The following ADGRV1 variants were observed in gnomAD, a reference collection of about 807,000 sequenced individuals.
ADGRV1 encodes G-protein coupled receptor 98.
In ADGRV1, 359 loss-of-function variants were observed where a neutral mutation model predicts 596.2. The ratio of observed to expected loss-of-function variants is 0.60; its 90% CI spans 0.55 to 0.66. ADGRV1 has a LOEUF of 0.66. Ranked by LOEUF, ADGRV1 falls within the 30% of genes least tolerant of loss-of-function variation. The probability of loss-of-function intolerance (pLI) is 0.00; values close to 1 mark genes in which losing one functional copy is unlikely to be tolerated. For missense variants in ADGRV1, 7,274 were observed against 7,575.6 expected (o/e 0.96, Z 1.48); for synonymous variants, 2,681 against 2,679.2 (o/e 1.00, Z -0.02).
At chr5:91,022,457 G>T (rs541227966) in intron 85 of ADGRV1, among the ~76,000 whole-genome samples, 2 of 151,910 alleles carry the variant, frequency 1.3e-5, no homozygotes, top group Admixed American at 6.6e-5. Flanking sequence ...ATAAAAATAG[G>T]CAGGAAAAAA....
intron 1 of ADGRV1, among the ~76,000 whole-genome samples, chr5:90,589,568 TA>T (rs1759210883): frequency 6.6e-6 from 1 of 152,202 alleles, no homozygotes; most frequent in Non-Finnish European, 1.5e-5. Flanking sequence ...GATTAAGTGA[TA>T]TTTTTGCCTT....
chr5:90,868,757 A>T (rs1768379593), intron 83 of ADGRV1, among the ~76,000 whole-genome samples: 1 of 151,732 alleles, frequency 6.6e-6, no homozygotes, highest in African/African-American at 2.4e-5. Flanking sequence ...GGTGAATATG[A>T]ATAAAGACAT....
rs184139642 is a variant in ADGRV1, at chr5:91,147,243, A to C, written c.18433-2787A>C. On this transcript the variant is annotated intron_variant, in intron 87 of 89. Coordinates refer to ENST00000405460, the MANE Select transcript of ADGRV1 (RefSeq NM_032119.4). ...CAGTTTTCCTAAATTACATTGACTA[A>C]ATTTTTTGTGACATTCAAAATTTGC... is the stretch of plus-strand genomic sequence containing the variant. 2.6e-5 allele frequency among the ~76,000 whole-genome samples: 4 copies of C among 152,162 alleles called. No homozygotes were observed. In the East Asian group the frequency reaches 7.7e-4, roughly 29 times the overall value.
At chr5:90,736,590 C>G (rs1402252143) in intron 50 of ADGRV1, among the ~76,000 whole-genome samples, 1 of 151,982 alleles carries the variant, frequency 6.6e-6, no homozygotes, top group Non-Finnish European at 1.5e-5. Context: ...ATAAAGGCAT[C>G]AGGTTCTGGG....
In ADGRV1 at chr5:90,829,032, T is replaced by C. The variant is rs1764304359; in HGVS notation, c.16457T>C (p.Ile5486Thr). ...AINNSARFAQ[I>T]KILESDESQS... Reference sequence around the variant, plus strand: ...AACAACAGTGCCAGATTCGCACAGATTAAAATCTTAGAAAGTGATGAATCT... The same window carrying C: ...AACAACAGTGCCAGATTCGCACAGACTAAAATCTTAGAAAGTGATGAATCT... The change falls in exon 77 of 90, where the codon ATT becomes ACT. Residue 5486 changes from isoleucine to threonine, a missense_variant. Coordinates refer to ENST00000405460, the MANE Select transcript of ADGRV1 (RefSeq NM_032119.4). The C allele has an allele frequency of 6.2e-7, 1 of 1,612,570 alleles. No homozygotes were observed. The highest frequency in any genetic ancestry group is 1.7e-5 in the Admixed American group (1 of 59,922).
intron 85 of ADGRV1, among the ~76,000 whole-genome samples, chr5:90,989,571 G>A (rs529807653): frequency 7.7e-6 from 1 of 129,040 alleles, no homozygotes; most frequent in East Asian, 2.1e-4. Context: ...CCTAACTTGT[G>A]CCCCTATCTA....
chr5:90,602,126 C>T (rs988753233), intron 1 of ADGRV1, among the ~76,000 whole-genome samples: 6 of 152,136 alleles, frequency 3.9e-5, no homozygotes, highest in East Asian at 1.9e-4. Context: ...TTTAGACTCC[C>T]GTATGTGTAT....
At chr5:90,911,370 G>A (rs1772875796) in intron 83 of ADGRV1, among the ~76,000 whole-genome samples, 1 of 152,110 alleles carries the variant, frequency 6.6e-6, no homozygotes, top group South Asian at 2.1e-4. Flanking sequence ...AAGCACCAGT[G>A]TGTCTCCTAA....
intron 79 of ADGRV1, among the ~76,000 whole-genome samples, 192 bp from the exon 80 acceptor site, chr5:90,853,092 T>A (rs1766690375): frequency 1.3e-5 from 2 of 152,104 alleles, no homozygotes; most frequent in South Asian, 4.1e-4. Flanking sequence ...ATGCAGAAAA[T>A]TCTGTGCAAA....
chr5:90,779,968 C>T (rs570878437), intron 64 of ADGRV1: 1 of 152,272 alleles, frequency 6.6e-6, no homozygotes, highest in South Asian at 2.1e-4. Context: ...ATATTGTGGG[C>T]TCACATACCC....
rs1768623936 is a variant in ADGRV1 at position 90,651,537 on chromosome 5, A to T, written c.3290-67A>T. The T allele has an allele frequency of 2.3e-6, 3 of 1,281,340 alleles. No homozygotes were observed. The South Asian group carries it at 5.1e-5, about 22-fold the overall frequency. The allele number at this position is 1,281,340 out of a possible 1,614,324, so 79.4% of individuals were successfully genotyped here. On this transcript the variant is annotated intron_variant, in intron 17 of 89. Transcript: ENST00000405460. ...ACTTAATTGTAAACTTTCTTAATTT[A>T]AAAGTATAAATTTTACAGCAAGTTA...
rs1760057497 is a variant in ADGRV1, at chr5:90,791,340, G to T, written c.14511G>T (p.Lys4837Asn). ...ATAAAGTGGACGTGGTGCCAATAAA[G>T]AATCAGGTTTGTGGCATTTCTTCAG... Reference protein sequence around the residue: ...ATYKVDVVPIKNQVFLSLGSN... With the variant: ...ATYKVDVVPINNQVFLSLGSN... Residue 4837 changes from lysine (K) to asparagine (N), a missense_variant, in exon 70 of 90, where the codon AAG (lysine) becomes AAT (asparagine). Around this residue, in one of 5 missense-constraint regions of ADGRV1, gnomAD observed 1,874 missense variants for 1,970.2 expected, o/e 0.95. Coordinates refer to ENST00000405460, the MANE Select transcript of ADGRV1 (RefSeq NM_032119.4). 24 of 1,552,608 alleles carry T rather than the reference G, an allele frequency of 1.5e-5. No individual in the cohort carries two copies. Among genetic ancestry groups the T allele is most frequent in the Non-Finnish European group, 2.1e-5 (24 of 1,146,590 alleles).
chr5:90,706,424 G>A (rs1413934281), intron 38 of ADGRV1, 30 bp downstream of exon 38: 2 of 1,505,508 alleles, frequency 1.3e-6, no homozygotes, highest in Admixed American at 5.0e-5. Context: ...TTAATCTTAG[G>A]GGGAGATAGT....
At chr5:90,983,626 C>T (rs1355551312) in intron 84 of ADGRV1, among the ~76,000 whole-genome samples, 1 of 151,992 alleles carries the variant, frequency 6.6e-6, no homozygotes, top group Non-Finnish European at 1.5e-5. Context: ...CACAACCCCG[C>T]TTATTTGAGT....
intron 38 of ADGRV1, 38 bp from the exon 39 acceptor site, chr5:90,708,778 G>A (rs1484929573): frequency 1.5e-6 from 2 of 1,293,540 alleles, no homozygotes; most frequent in Non-Finnish European, 1.1e-6. Context: ...TACTTTGAGA[G>A]TATAACTAAA....
intron 85 of ADGRV1, among the ~76,000 whole-genome samples, chr5:91,054,097 G>GTA (rs1786606603): frequency 7.7e-6 from 1 of 130,690 alleles, no homozygotes; most frequent in African/African-American, 3.2e-5. Context: ...GTGTGTGTGT[G>GTA]TGTGTGAGAG....
Position 90,647,636 on chromosome 5 carries a change from C to A in ADGRV1, c.3161C>A (p.Pro1054His). The A allele has an allele frequency of 6.2e-7, 1 of 1,613,938 alleles. No individual in the cohort carries two copies. Among genetic ancestry groups the A allele is most frequent in the Non-Finnish European group, 8.5e-7 (1 of 1,179,864 alleles). Residue 1054 changes from proline (P) to histidine (H), a missense_variant, in exon 17 of 90, where the codon CCT becomes CAT. By Grantham distance (77) the Pro-to-His change is moderately conservative. This residue lies in a region of ADGRV1 where 1,715 missense variants were observed against 1,708.8 expected (regional missense o/e 1.00). Transcript: ENST00000405460. ...KATARERDFI[P>H]VEKGETLIFE... Reference sequence around the variant, plus strand: ...ACTGCAAGAGAGAGAGATTTCATTCCTGTTGAAAAAGGAGAAACGCTCATT... The same window carrying A: ...ACTGCAAGAGAGAGAGATTTCATTCATGTTGAAAAAGGAGAAACGCTCATT...
At chr5:90,785,952 G>A (rs946452466) in intron 67 of ADGRV1, among the ~76,000 whole-genome samples, 8 of 152,276 alleles carry the variant, frequency 5.3e-5, no homozygotes, top group Non-Finnish European at 7.3e-5. Flanking sequence ...ACATGCACAC[G>A]TATTTTTATT....
Position 90,653,912 on chromosome 5 carries a change from C to A in ADGRV1, c.4338C>A (p.Pro1446=), listed in dbSNP as rs1040614250. ...IEFYLDGNAM[P]RGIKSLKGEA... ...TCTACCTGGATGGAAATGCAATGCC[C>A]AGGGGAATCAAGAGTCTGAAAGGAG... is the stretch of plus-strand genomic sequence containing the variant. Residue 1446 remains proline, a synonymous_variant, in exon 20 of 90, where the codon CCC becomes CCA. Transcript: ENST00000405460. 16 of 1,568,462 alleles carry A rather than the reference C, an allele frequency of 1.0e-5. No individual in the cohort carries two copies. The highest frequency in any genetic ancestry group is 1.4e-5 in the Non-Finnish European group (16 of 1,155,678).
Sources: allele counts gnomAD v4.1 joint callset (sites outside exome capture counted in the v4.1 genomes callset), GRCh38; gene constraint gnomAD v4.1.1; regional missense constraint gnomAD v4.1.1; transcripts MANE v1.5; gene names NCBI Gene and HGNC (gene_info 2026-07-23, HGNC 2026-07-21).